GRIK4: variants seen among roughly 807,000 people sequenced by gnomAD.
GRIK4 encodes glutamate receptor ionotropic, kainate 4.
GRIK4 carries 40 observed loss-of-function variants against 104.9 expected under a neutral mutation model. The ratio of observed to expected loss-of-function variants is 0.38; its 90% CI spans 0.30 to 0.50. The LOEUF (loss-of-function observed/expected upper bound fraction) is 0.50. Ranked by LOEUF, GRIK4 falls within the 20% of genes least tolerant of loss-of-function variation. GRIK4 has a pLI of 0.93. For missense variants in GRIK4, 1,047 were observed against 1,308.1 expected (o/e 0.80, Z 3.08); for synonymous variants, 485 against 524.9 (o/e 0.92, Z 1.04).
intron 11 of GRIK4, among the ~76,000 whole-genome samples, chr11:120,894,117 T>C (rs181076659): frequency 1.4e-3 from 207 of 152,362 alleles, no homozygotes; most frequent in African/African-American, 4.6e-3. Flanking sequence ...AAGCCCATAG[T>C]GTGAAGCCTT....
intron 8 of GRIK4, among the ~76,000 whole-genome samples, chr11:120,839,576 G>T (rs2135578973): frequency 6.6e-6 from 1 of 152,340 alleles, no homozygotes; most frequent in African/African-American, 2.4e-5. Context: ...ATGAATGGAA[G>T]ATGCTTATTT....
intron 3 of GRIK4, among the ~76,000 whole-genome samples, chr11:120,710,997 T>TCG (rs1555046760): frequency 9.6e-5 from 12 of 124,860 alleles, no homozygotes; most frequent in Non-Finnish European, 1.5e-4. Flanking sequence ...CCCTGTGAGG[T>TCG]GGGGAGGGGG....
At chr11:120,847,325 T>G (rs1011957660) in intron 8 of GRIK4, among the ~76,000 whole-genome samples, 1 of 152,162 alleles carries the variant, frequency 6.6e-6, no homozygotes, top group Non-Finnish European at 1.5e-5. Context: ...AGAATAAAAT[T>G]CTGATTTTCC....
chr11:120,871,798 G>A (rs1217027500), intron 9 of GRIK4: 3 of 456,294 alleles, frequency 6.6e-6, no homozygotes, highest in African/African-American at 4.0e-5. Context: ...AGCAGCAAGA[G>A]AGGGAGGGAG....
chr11:120,840,696 T>C (rs1953690315), intron 8 of GRIK4, among the ~76,000 whole-genome samples: 1 of 152,090 alleles, frequency 6.6e-6, no homozygotes, highest in South Asian at 2.1e-4. Context: ...CTGTGCAGAG[T>C]CATAAAAGCA....
rs574562025 is a variant in GRIK4, at chr11:120,838,712, A to G, written c.744+1868A>G. On this transcript the variant is annotated intron_variant, in intron 8 of 20. Transcript: ENST00000527524. ...GAGTAAAGAAACTGTTTTTAGGACC[A>G]CTCTTTCTGCCCAGTTGCAGTTGGT... Among the ~76,000 whole-genome samples, 50 of 151,414 alleles carry G rather than the reference A, an allele frequency of 3.3e-4. No individual in the cohort carries two copies. In the South Asian group the frequency reaches 0.01, roughly 31 times the overall value.
At chr11:120,592,476 G>A (rs1046213338) in intron 1 of GRIK4, among the ~76,000 whole-genome samples, 1 of 152,196 alleles carries the variant, frequency 6.6e-6, no homozygotes, top group Non-Finnish European at 1.5e-5. Context: ...CCTCTGCTCG[G>A]TACTGCATTC....
intron 4 of GRIK4, among the ~76,000 whole-genome samples, chr11:120,809,145 G>A (rs879362433): frequency 6.6e-6 from 1 of 152,208 alleles, no homozygotes; most frequent in African/African-American, 2.4e-5. Flanking sequence ...AAAGGGGAAA[G>A]GAGTAAGTTC....
intron 1 of GRIK4, among the ~76,000 whole-genome samples, chr11:120,536,380 C>T: frequency 6.6e-6 from 1 of 152,156 alleles, no homozygotes; most frequent in Non-Finnish European, 1.5e-5. Flanking sequence ...GTCTTAATTT[C>T]AGCGAGCCTT....
intron 7 of GRIK4, among the ~76,000 whole-genome samples, chr11:120,833,190 C>G (rs1953479057): frequency 6.6e-6 from 1 of 151,862 alleles, no homozygotes; most frequent in African/African-American, 2.4e-5. Flanking sequence ...CAGCCCGTTG[C>G]TATAGTAATC....
At chr11:120,834,751 G>T (rs764149763) in intron 7 of GRIK4, among the ~76,000 whole-genome samples, 8 of 152,142 alleles carry the variant, frequency 5.3e-5, no homozygotes, top group Admixed American at 2.0e-4. Flanking sequence ...TTTATTGAGC[G>T]GCTGTTCCAG....
At chr11:120,844,143 A>T (rs978804056) in intron 8 of GRIK4, among the ~76,000 whole-genome samples, 3 of 152,220 alleles carry the variant, frequency 2.0e-5, no homozygotes, top group East Asian at 3.8e-4. Context: ...AAGGGGACCC[A>T]GGGCAGACAG....
intron 3 of GRIK4, among the ~76,000 whole-genome samples, chr11:120,740,049 T>C (rs1165263846): frequency 6.6e-6 from 1 of 152,210 alleles, no homozygotes; most frequent in Non-Finnish European, 1.5e-5. Context: ...CTGGTTTGCA[T>C]TACACGGAAC....
intron 15 of GRIK4, among the ~76,000 whole-genome samples, chr11:120,955,442 A>G (rs1944120762): frequency 6.6e-6 from 1 of 152,240 alleles, no homozygotes; most frequent in African/African-American, 2.4e-5. Flanking sequence ...CAGTGTGAAG[A>G]TAACACCGAG....
rs1156675035 is a variant in GRIK4 at position 120,939,921 on chromosome 11, G to A, written c.1477-426G>A. ...CTTGAACTCAGGAGGCAGAGGTTGC[G>A]GCGAGCCGAGATGGCGCCACTGCAC... On this transcript the variant is annotated intron_variant, in intron 13 of 20. Coordinates refer to ENST00000527524, the MANE Select transcript of GRIK4 (RefSeq NM_014619.5). The surrounding 1 kb of genome is among the most constrained non-coding windows in gnomAD (Gnocchi z 5.6). Among the ~76,000 whole-genome samples, 6 of 151,874 alleles carry A rather than the reference G, an allele frequency of 4.0e-5. No individual in the cohort carries two copies. The highest frequency in any genetic ancestry group is 2.0e-4 in the Admixed American group (3 of 15,254).
intron 1 of GRIK4, among the ~76,000 whole-genome samples, chr11:120,579,228 C>G (rs564221822): frequency 6.6e-6 from 1 of 151,976 alleles, no homozygotes; most frequent in African/African-American, 2.4e-5. Context: ...CAAAATAACC[C>G]CCCCCCCTTT....
chr11:120,837,006 C>T (rs931495106), intron 8 of GRIK4, among the ~76,000 whole-genome samples, 162 bp downstream of exon 8: 1 of 152,142 alleles, frequency 6.6e-6, no homozygotes, highest in Non-Finnish European at 1.5e-5. Flanking sequence ...ATTCTCATCC[C>T]AATAATTCTG....
chr11:120,926,142 G>A (rs1353157516), intron 13 of GRIK4, among the ~76,000 whole-genome samples: 1 of 152,144 alleles, frequency 6.6e-6, no homozygotes, highest in Non-Finnish European at 1.5e-5. Flanking sequence ...GTGAGGAAGT[G>A]AAACTTAGGC....
intron 13 of GRIK4, among the ~76,000 whole-genome samples, chr11:120,907,742 A>G (rs1425781874): frequency 2.0e-5 from 3 of 152,054 alleles, no homozygotes; most frequent in Non-Finnish European, 4.4e-5. Context: ...TCTAGAGGAG[A>G]GTAGGATGCA....
Sources: allele counts gnomAD v4.1 joint callset (sites outside exome capture counted in the v4.1 genomes callset), GRCh38; gene constraint gnomAD v4.1.1; non-coding constraint Gnocchi (gnomAD v3.1); transcripts MANE v1.5; gene names NCBI Gene and HGNC (gene_info 2026-07-23, HGNC 2026-07-21).